The following NRXN1 variants were observed in gnomAD, a reference collection of about 807,000 sequenced individuals.
NRXN1 encodes neurexin 1.
NRXN1 carries 39 observed loss-of-function variants against 150.9 expected under a neutral mutation model. The observed-to-expected ratio is 0.26, with a 90% CI of 0.20 to 0.34. The LOEUF (loss-of-function observed/expected upper bound fraction) is 0.34. NRXN1 is among the 10% of genes least tolerant of loss of function. NRXN1 has a pLI of 1.00. For missense variants in NRXN1, 1,815 were observed against 1,949.9 expected, an observed-to-expected ratio of 0.93 and a Z score of 1.30; for synonymous variants, 924 against 757.0, an observed-to-expected ratio of 1.22 and a Z score of -3.62.
intron 18 of NRXN1, among the ~76,000 whole-genome samples, chr2:50,096,951 T>C (rs17039814): frequency 0.02 from 3,052 of 152,302 alleles, 111 homozygotes; most frequent in African/African-American, 0.071. Context: ...ATCTTGGGTA[T>C]ACTTCAAGCA....
chr2:50,654,239 T>C (rs1686072223), intron 5 of NRXN1, among the ~76,000 whole-genome samples: 1 of 102,026 alleles, frequency 9.8e-6, no homozygotes, highest in Non-Finnish European at 2.2e-5. Flanking sequence ...CCATGTGTTC[T>C]CATTGTTCAA....
At chr2:50,259,112 G>A (rs973758186) in intron 17 of NRXN1, among the ~76,000 whole-genome samples, 13 of 151,938 alleles carry the variant, frequency 8.6e-5, no homozygotes, top group African/African-American at 3.1e-4. Context: ...CTAAAAGAGA[G>A]TCAGCCTGTC....
In NRXN1 at chr2:50,359,420, T is replaced by G. The variant is rs2079036144; in HGVS notation, c.3364+106022A>C. On this transcript the variant is annotated intron_variant, in intron 17 of 22. Coordinates refer to ENST00000401669, the MANE Select transcript of NRXN1 (RefSeq NM_001330078.2). ...AGTTTAGAGAAGAACATAAATGACC[T>G]GATGGAGCTGAAACACAGAGCACGA... 1.3e-5 allele frequency among the ~76,000 whole-genome samples: 2 copies of G among 151,270 alleles called. 1 individual carries two copies. Among genetic ancestry groups the G allele is most frequent in the Admixed American group, 1.3e-4 (2 of 15,160 alleles).
intron 19 of NRXN1, among the ~76,000 whole-genome samples, chr2:50,058,836 A>G (rs755761420): frequency 1.3e-5 from 2 of 152,184 alleles, no homozygotes; most frequent in Non-Finnish European, 2.9e-5. Flanking sequence ...TCACCAAGTA[A>G]GACATGACTT....
chr2:50,379,917 T>C (rs574073510), intron 17 of NRXN1, among the ~76,000 whole-genome samples: 2 of 152,254 alleles, frequency 1.3e-5, no homozygotes, highest in South Asian at 4.1e-4. Context: ...GAAATAAGAT[T>C]ATGTTCCCAG....
chr2:50,495,429 G>C (rs899123127), intron 15 of NRXN1, among the ~76,000 whole-genome samples: 3 of 138,618 alleles, frequency 2.2e-5, no homozygotes, highest in Non-Finnish European at 4.6e-5. Context: ...GTTGGGATGG[G>C]GGATAGAATT....
At chr2:50,039,438 C>T (rs2152575390) in intron 21 of NRXN1, among the ~76,000 whole-genome samples, 1 of 152,294 alleles carries the variant, frequency 6.6e-6, no homozygotes, top group African/African-American at 2.4e-5. Context: ...TGCACTGCAG[C>T]TTGGACAACA....
intron 22 of NRXN1, among the ~76,000 whole-genome samples, chr2:49,940,157 G>A (rs995107846): frequency 2.6e-5 from 4 of 152,124 alleles, no homozygotes; most frequent in Admixed American, 6.6e-5. Context: ...CTTAGGGAGA[G>A]TGAGGTACTC....
chr2:50,693,500 T>C (rs757401770), intron 5 of NRXN1, among the ~76,000 whole-genome samples: 1 of 152,204 alleles, frequency 6.6e-6, no homozygotes, highest in Non-Finnish European at 1.5e-5. Context: ...TACAATTGCG[T>C]GCAAAGGTCA....
At chr2:50,582,653 C>G (rs1020301679) in intron 8 of NRXN1, among the ~76,000 whole-genome samples, 1 of 140,254 alleles carries the variant, frequency 7.1e-6, no homozygotes, top group Non-Finnish European at 1.5e-5. Context: ...ATTAACCACA[C>G]TTTGGGATCT....
chr2:50,153,748 C>G (rs1432651415), intron 18 of NRXN1, among the ~76,000 whole-genome samples: 1 of 151,678 alleles, frequency 6.6e-6, no homozygotes, highest in African/African-American at 2.4e-5. Context: ...GGAAAGTTAC[C>G]AGGCCTTTAA....
intron 5 of NRXN1, among the ~76,000 whole-genome samples, chr2:50,878,394 T>C (rs1678925762): frequency 6.6e-6 from 1 of 151,902 alleles, no homozygotes; most frequent in South Asian, 2.1e-4. Context: ...GGCAGTTCTT[T>C]TGATCAATTG....
At chr2:50,949,898 A>G (rs1691021999) in intron 2 of NRXN1, among the ~76,000 whole-genome samples, 1 of 152,120 alleles carries the variant, frequency 6.6e-6, no homozygotes, top group African/African-American at 2.4e-5. Context: ...ATTTCTGTTG[A>G]AAGTGTGTAT....
chr2:50,990,473 C>T (rs1374435191), intron 2 of NRXN1, among the ~76,000 whole-genome samples: 1 of 151,994 alleles, frequency 6.6e-6, no homozygotes, highest in East Asian at 1.9e-4. Context: ...AGTTCAAGCG[C>T]TCTTTTGAAT....
chr2:50,176,699 AT>A (rs1559033748), intron 18 of NRXN1, among the ~76,000 whole-genome samples: 1 of 152,138 alleles, frequency 6.6e-6, no homozygotes, highest in Admixed American at 6.6e-5. Flanking sequence ...TCCTAAAGGT[AT>A]TTTTATTCAC....
chr2:50,258,236 C>G (rs946621433), intron 17 of NRXN1, among the ~76,000 whole-genome samples: 1 of 152,068 alleles, frequency 6.6e-6, no homozygotes, highest in Non-Finnish European at 1.5e-5. Context: ...AGCATTTTAA[C>G]CACAATAGAC....
intron 19 of NRXN1, among the ~76,000 whole-genome samples, chr2:50,069,117 G>A (rs1366946680): frequency 6.6e-6 from 1 of 152,204 alleles, no homozygotes; most frequent in African/African-American, 2.4e-5. Flanking sequence ...GGTGACAAAA[G>A]CTGTTCCCAG....
intron 18 of NRXN1, among the ~76,000 whole-genome samples, chr2:50,129,796 A>C (rs1705199502): frequency 6.6e-6 from 1 of 152,188 alleles, no homozygotes; most frequent in African/African-American, 2.4e-5. Context: ...CACTCCAAAA[A>C]ACAACAATAA....
chr2:50,407,141 C>T lies in NRXN1; in HGVS notation c.3364+58301G>A, dbSNP rs570561700. ...TTTTTAAATTATTAAACTCCCATGG[C>T]CTCAATATTCTACTCTGCCAAATGA... On this transcript the variant is annotated intron_variant, in intron 17 of 22. Transcript: ENST00000401669. Among the ~76,000 whole-genome samples, 26 of 152,140 alleles carry T rather than the reference C, an allele frequency of 1.7e-4. No individual in the cohort carries two copies. In the South Asian group the frequency reaches 5.0e-3, roughly 29 times the overall value.
Sources: allele counts gnomAD v4.1 joint callset (sites outside exome capture counted in the v4.1 genomes callset), GRCh38; gene constraint gnomAD v4.1.1; transcripts MANE v1.5; gene names NCBI Gene and HGNC (gene_info 2026-07-23, HGNC 2026-07-21).